TRHDE: variants seen among roughly 807,000 people sequenced by gnomAD.
TRHDE encodes the protein thyrotropin releasing hormone degrading enzyme, also known as thyrotropin-releasing hormone-degrading ectoenzyme.
In TRHDE, 72 loss-of-function variants were observed where a neutral mutation model predicts 125.7. The ratio of observed to expected loss-of-function variants is 0.57; its 90% CI spans 0.47 to 0.70. The LOEUF (loss-of-function observed/expected upper bound fraction) is 0.70. Among genes scored for constraint, TRHDE ranks in the 30% least tolerant of loss-of-function variants. TRHDE has a pLI of 0.00. For synonymous variants in TRHDE, 509 were observed against 509.1 expected (o/e 1.00, Z 0.00); for missense variants, 1,110 against 1,327.1 (o/e 0.84, Z 2.54).
At chr12:72,292,030 A>G (rs1880108325) in intron 2 of TRHDE, among the ~76,000 whole-genome samples, 1 of 152,226 alleles carries the variant, frequency 6.6e-6, no homozygotes, top group African/African-American at 2.4e-5. Flanking sequence ...ATCAAGTTAT[A>G]TCCACTCCAT....
At chr12:72,514,247 G>C (rs1433520057) in intron 6 of TRHDE, among the ~76,000 whole-genome samples, 2 of 152,086 alleles carry the variant, frequency 1.3e-5, no homozygotes, top group Non-Finnish European at 2.9e-5. Flanking sequence ...GAAGAAACAA[G>C]TTTCCACGAA....
intron 6 of TRHDE, among the ~76,000 whole-genome samples, chr12:72,518,693 G>A (rs1232370232): frequency 6.6e-6 from 1 of 152,010 alleles, no homozygotes; most frequent in African/African-American, 2.4e-5. Context: ...TCATTATGAT[G>A]TTAGCTGGTT....
At chr12:72,330,845 C>G (rs1248581925) in intron 2 of TRHDE, among the ~76,000 whole-genome samples, 4 of 152,136 alleles carry the variant, frequency 2.6e-5, no homozygotes, top group Non-Finnish European at 4.4e-5. Flanking sequence ...CAGCGCTTCT[C>G]AAACTTTAGC....
At chr12:72,661,833 T>A (rs1874930434) in intron 18 of TRHDE, among the ~76,000 whole-genome samples, 1 of 152,180 alleles carries the variant, frequency 6.6e-6, no homozygotes, top group Non-Finnish European at 1.5e-5. Context: ...ATTGGCTATT[T>A]TACATGTTTG....
At chr12:72,125,707 G>A (rs1408499219) in intron 2 of TRHDE, among the ~76,000 whole-genome samples, 2 of 152,078 alleles carry the variant, frequency 1.3e-5, no homozygotes, top group East Asian at 3.8e-4. Flanking sequence ...CAGGAATAAC[G>A]GCCTGAAACA....
At chr12:72,423,820 A>T (rs1874065012) in intron 3 of TRHDE, among the ~76,000 whole-genome samples, 1 of 152,040 alleles carries the variant, frequency 6.6e-6, no homozygotes, top group Non-Finnish European at 1.5e-5. Flanking sequence ...CAGAAGAGGA[A>T]TCAGAGAGGC....
chr12:72,204,878 C>T (rs1877633891), intron 2 of TRHDE, among the ~76,000 whole-genome samples: 1 of 152,124 alleles, frequency 6.6e-6, no homozygotes, highest in African/African-American at 2.4e-5. Context: ...TGAAAAACAG[C>T]TGTTCAAAGT....
At chr12:72,146,861 G>T (rs1422615866) in intron 2 of TRHDE, among the ~76,000 whole-genome samples, 1 of 152,244 alleles carries the variant, frequency 6.6e-6, no homozygotes, top group Non-Finnish European at 1.5e-5. Context: ...TGGGCTGGAA[G>T]AATGAGTGCA....
chr12:72,464,842 G>A (rs1876294101), intron 3 of TRHDE, among the ~76,000 whole-genome samples: 1 of 152,162 alleles, frequency 6.6e-6, no homozygotes, highest in Non-Finnish European at 1.5e-5. Flanking sequence ...ATAGTGCATT[G>A]AGGGTGAGTA....
At chr12:72,489,885 A>G (rs768913227) in intron 5 of TRHDE, among the ~76,000 whole-genome samples, 12 of 151,950 alleles carry the variant, frequency 7.9e-5, no homozygotes, top group Non-Finnish European at 1.6e-4. Context: ...GAACTATAAC[A>G]CTTTTAGATG....
chr12:72,504,300 A>G (rs999072726), intron 6 of TRHDE, among the ~76,000 whole-genome samples: 6 of 151,224 alleles, frequency 4.0e-5, no homozygotes, highest in Non-Finnish European at 7.4e-5. Flanking sequence ...TTTCTCACTA[A>G]GAAAATTTTT....
At chr12:72,354,788 T>C (rs1870739086) in intron 2 of TRHDE, among the ~76,000 whole-genome samples, 1 of 150,986 alleles carries the variant, frequency 6.6e-6, no homozygotes, top group Admixed American at 6.6e-5. Context: ...TGTGTGTGTA[T>C]GTGTGTATGT....
chr12:72,476,073 C>T (rs201192506), intron 5 of TRHDE, among the ~76,000 whole-genome samples: 35 of 152,062 alleles, frequency 2.3e-4, no homozygotes, highest in East Asian at 1.4e-3. Context: ...TGAGCCACCA[C>T]GCCGGGCTAA....
In TRHDE at chr12:72,495,060, G is replaced by GTTT. The variant is rs751243542; in HGVS notation, c.1585-4414_1585-4412dup. 4.6e-3 allele frequency among the ~76,000 whole-genome samples: 267 copies of GTTT among 58,382 alleles called. 22 individuals are homozygous for GTTT. The highest frequency in any genetic ancestry group is 0.015 in the African/African-American group (203 of 13,480). The allele number at this position is 58,382 out of a possible 152,430, so 38.3% of individuals were successfully genotyped here. A position where few individuals can be genotyped will look rare whatever the true frequency, so the allele number is the denominator to read the frequency against. On this transcript the variant is annotated intron_variant, in intron 5 of 18. Coordinates refer to ENST00000261180, the MANE Select transcript of TRHDE (RefSeq NM_013381.3). ...CATTTCTGTCAATAGTTCCTCCCCCGTTTTTTTTTTTTTTTTTTTTTTTTT... is the reference window on the plus strand; with the variant it reads ...CATTTCTGTCAATAGTTCCTCCCCCGTTTTTTTTTTTTTTTTTTTTTTTTTTTT...
At chr12:72,093,043 T>G (rs1298887682) in intron 1 of TRHDE, among the ~76,000 whole-genome samples, 2 of 152,222 alleles carry the variant, frequency 1.3e-5, no homozygotes, top group African/African-American at 4.8e-5. Context: ...AGCATGCACT[T>G]GGAGTAATTT....
intron 3 of TRHDE, among the ~76,000 whole-genome samples, chr12:72,439,150 G>A (rs1446087431): frequency 1.3e-5 from 2 of 151,676 alleles, no homozygotes; most frequent in Non-Finnish European, 2.9e-5. Flanking sequence ...CTGCTTAATT[G>A]GTCTATGGTT....
rs111267522 is a variant in TRHDE, at chr12:72,225,594, G to A, written n.279+119842G>A. On this transcript the variant is annotated intron_variant and non_coding_transcript_variant, in intron 2 of 4. Transcript: ENST00000548156. Reference sequence around the variant, plus strand: ...AAAAAATAATTGTTTTGGTTTCCTTGTATAAAAGGTGAGTTATTAAGCATT... The same window carrying A: ...AAAAAATAATTGTTTTGGTTTCCTTATATAAAAGGTGAGTTATTAAGCATT... 1.7e-3 allele frequency among the ~76,000 whole-genome samples: 252 copies of A among 152,254 alleles called. 3 individuals carry two copies. Among genetic ancestry groups the A allele is most frequent in the African/African-American group, 5.0e-3 (207 of 41,562 alleles).
intron 6 of TRHDE, among the ~76,000 whole-genome samples, chr12:72,516,570 T>A (rs1482296188): frequency 6.6e-6 from 1 of 152,196 alleles, no homozygotes; most frequent in African/African-American, 2.4e-5. Context: ...TTTCTAGATA[T>A]ACAATCATGT....
intron 6 of TRHDE, among the ~76,000 whole-genome samples, chr12:72,526,388 G>C (rs1181573684): frequency 6.6e-6 from 1 of 151,914 alleles, no homozygotes; most frequent in African/African-American, 2.4e-5. Context: ...GTCAGCTTTT[G>C]GTAGAAGATT....
Sources: gnomAD v4.1 joint callset for allele counts (sites outside exome capture counted in the v4.1 genomes callset) on GRCh38, gnomAD v4.1.1 for gene constraint, MANE v1.5 for transcripts, NCBI Gene and HGNC (gene_info 2026-07-23, HGNC 2026-07-21) for gene names.